Variants in CCDC178 observed in about 807,000 individuals in gnomAD.
CCDC178 encodes coiled-coil domain-containing protein 178.
CCDC178 carries 126 observed loss-of-function variants against 117.4 expected under a neutral mutation model. The ratio of observed to expected loss-of-function variants is 1.07; its 90% CI spans 0.93 to 1.24. The LOEUF is 1.24. Among genes scored for constraint, CCDC178 ranks in the 50% most tolerant of loss-of-function variants. The probability of loss-of-function intolerance (pLI) is 0.00; values close to 1 mark genes in which losing one functional copy is unlikely to be tolerated. For missense variants in CCDC178, 1,030 were observed against 986.9 expected (o/e 1.04, Z -0.59); for synonymous variants, 283 against 313.4 (o/e 0.90, Z 1.02).
At chr18:33,114,190 A>T (rs926143292) in intron 20 of CCDC178, among the ~76,000 whole-genome samples, 3 of 152,006 alleles carry the variant, frequency 2.0e-5, no homozygotes, top group Non-Finnish European at 2.9e-5. Flanking sequence ...AACAGATGTA[A>T]ACCTGCATGA....
At chr18:33,258,965 T>C (rs1416531158) in intron 14 of CCDC178, among the ~76,000 whole-genome samples, 1 of 152,154 alleles carries the variant, frequency 6.6e-6, no homozygotes, top group Admixed American at 6.5e-5. Context: ...CTGAAAATAT[T>C]GTATAGCACA....
At chr18:33,335,303 T>C (rs1419171798) in intron 9 of CCDC178, among the ~76,000 whole-genome samples, 2 of 152,078 alleles carry the variant, frequency 1.3e-5, no homozygotes, top group Non-Finnish European at 2.9e-5. Context: ...TAATGATACT[T>C]TTAATGATTT....
chr18:33,331,931 G>A (rs2062674932), intron 10 of CCDC178, among the ~76,000 whole-genome samples: 1 of 152,156 alleles, frequency 6.6e-6, no homozygotes, highest in African/African-American at 2.4e-5. Flanking sequence ...TGTGATTATT[G>A]TTTACAGTCA....
intron 20 of CCDC178, among the ~76,000 whole-genome samples, chr18:33,156,922 A>G (rs972974301): frequency 6.6e-5 from 10 of 152,220 alleles, no homozygotes; most frequent in African/African-American, 2.4e-4. Flanking sequence ...TAATTCCAGG[A>G]AATATTGTTA....
intron 15 of CCDC178, among the ~76,000 whole-genome samples, chr18:33,232,546 G>A (rs2059379633): frequency 6.6e-6 from 1 of 152,154 alleles, no homozygotes; most frequent in Non-Finnish European, 1.5e-5. Context: ...GAATTAGTGG[G>A]ACCAGGTATC....
At chr18:32,947,984 A>C (rs1161703917) in intron 22 of CCDC178, among the ~76,000 whole-genome samples, 1 of 152,136 alleles carries the variant, frequency 6.6e-6, no homozygotes, top group Non-Finnish European at 1.5e-5. Context: ...TTGTCTTTGC[A>C]ACATTGTAAA....
In CCDC178 at chr18:33,118,630, T is replaced by C. The variant is rs1200027808; in HGVS notation, c.2239-25720A>G. ...TGGCCATACTGCCCAAGATAATTTA[T>C]AGATTCAATGCCATCCCCATCAAGC... On this transcript the variant is annotated intron_variant, in intron 20 of 22. Transcript: ENST00000383096. Among the ~76,000 whole-genome samples, 5 of 152,266 alleles carry C rather than the reference T, an allele frequency of 3.3e-5. No homozygotes were observed. The East Asian group carries it at 9.7e-4, about 29-fold the overall frequency.
intron 4 of CCDC178, among the ~76,000 whole-genome samples, chr18:33,393,612 T>G (rs142547611): frequency 6.6e-6 from 1 of 152,290 alleles, no homozygotes; most frequent in African/African-American, 2.4e-5. Flanking sequence ...TATCTGACTT[T>G]GTTTGCTCAA....
chr18:33,181,959 T>A (rs937429495), intron 20 of CCDC178, among the ~76,000 whole-genome samples: 6 of 151,894 alleles, frequency 4.0e-5, no homozygotes, highest in Non-Finnish European at 7.4e-5. Flanking sequence ...GGGAACATCA[T>A]AATTACAGCA....
intron 21 of CCDC178, among the ~76,000 whole-genome samples, chr18:33,073,192 T>C (rs539957372): frequency 1.8e-4 from 28 of 151,718 alleles, no homozygotes; most frequent in African/African-American, 5.8e-4. Flanking sequence ...AGAATGAAAA[T>C]CATTTGCAGC....
chr18:33,220,800 C>G (rs988801578), intron 18 of CCDC178, among the ~76,000 whole-genome samples: 2 of 152,066 alleles, frequency 1.3e-5, no homozygotes, highest in Non-Finnish European at 2.9e-5. Flanking sequence ...AATACCCATG[C>G]TGGGAAAATG....
intron 20 of CCDC178, among the ~76,000 whole-genome samples, chr18:33,145,262 T>C (rs2058253961): frequency 6.6e-6 from 1 of 152,224 alleles, no homozygotes; most frequent in South Asian, 2.1e-4. Flanking sequence ...TTTATAAACC[T>C]TCTTTTCAAA....
chr18:32,966,422 A>G (rs2144673853), intron 22 of CCDC178, among the ~76,000 whole-genome samples: 1 of 152,012 alleles, frequency 6.6e-6, no homozygotes, highest in East Asian at 1.9e-4. Flanking sequence ...CAGAGACTGT[A>G]TGGCCTGGAA....
intron 8 of CCDC178, among the ~76,000 whole-genome samples, chr18:33,347,982 T>G (rs1374339980): frequency 1.3e-5 from 2 of 152,056 alleles, no homozygotes; most frequent in Admixed American, 1.3e-4. Flanking sequence ...TATTGCTGTA[T>G]GTTTTAGACC....
intron 12 of CCDC178, among the ~76,000 whole-genome samples, chr18:33,289,291 C>A (rs1167695979): frequency 2.0e-5 from 3 of 152,018 alleles, no homozygotes; most frequent in Admixed American, 6.6e-5. Flanking sequence ...AATCTTGAAT[C>A]TTATTTGCAA....
chr18:33,171,998 C>T (rs1371835541), intron 20 of CCDC178, among the ~76,000 whole-genome samples: 1 of 152,160 alleles, frequency 6.6e-6, no homozygotes, highest in African/African-American at 2.4e-5. Context: ...GCAACCTCCA[C>T]CTCCCAGGTT....
intron 11 of CCDC178, among the ~76,000 whole-genome samples, chr18:33,299,992 G>A (rs1054042976): frequency 1.1e-4 from 17 of 152,170 alleles, no homozygotes; most frequent in African/African-American, 1.9e-4. Context: ...ATGCTGAGCC[G>A]TAATCCCCAA....
At chr18:33,192,584 T>G (rs1234178761) in intron 20 of CCDC178, among the ~76,000 whole-genome samples, 1 of 152,120 alleles carries the variant, frequency 6.6e-6, no homozygotes, top group Admixed American at 6.6e-5. Context: ...AACAGAAAAT[T>G]GTAATAAACA....
intron 21 of CCDC178, among the ~76,000 whole-genome samples, chr18:33,078,010 AT>A (rs1345489496): frequency 2.6e-5 from 4 of 152,198 alleles, no homozygotes; most frequent in African/African-American, 9.7e-5. Context: ...AATAGTATTG[AT>A]GAACATTAAT....
Sources: allele counts gnomAD v4.1 joint callset (sites outside exome capture counted in the v4.1 genomes callset), GRCh38; gene constraint gnomAD v4.1.1; transcripts MANE v1.5; gene names NCBI Gene and HGNC (gene_info 2026-07-23, HGNC 2026-07-21).